Variants in EXPH5 observed in about 807,000 individuals in gnomAD.
EXPH5 encodes the protein exophilin 5.
Under a neutral mutation model 41.1 loss-of-function variants are expected in EXPH5, and 42 were observed. The observed-to-expected ratio is 1.02, with a 90% CI of 0.80 to 1.32. The LOEUF is 1.32. EXPH5 is among the 40% of genes most tolerant of loss of function. The probability of loss-of-function intolerance (pLI) is 0.00; values close to 1 mark genes in which losing one functional copy is unlikely to be tolerated. For synonymous variants in EXPH5, 798 were observed against 833.5 expected (o/e 0.96, Z 0.73); for missense variants, 2,298 against 2,314.5 (o/e 0.99, Z 0.15).
At position 108,514,024 on chromosome 11, in the gene EXPH5, G is replaced by T. The variant is rs1398334265; in HGVS notation, c.1483C>A (p.Arg495=). 6.2e-7 allele frequency: 1 copy of T among 1,613,854 alleles called. No individual in the cohort carries two copies. The highest frequency in any genetic ancestry group is 2.2e-5 in the East Asian group (1 of 44,900). ...GAAGAACTGAATGATTTCCTGCTTC[G>T]ATGAAAGTCAGACCAGAAAGAATGT... ...KGHSFWSDFH[R]SRKSFSSSDR... is the part of the protein sequence containing the mutation. Residue 495 remains arginine (R), a synonymous_variant, in exon 6 of 6, where the codon CGA becomes AGA. Transcript: ENST00000265843.
chr11:108,585,068 A>G (rs1314923913), intron 1 of EXPH5, among the ~76,000 whole-genome samples: 2 of 152,132 alleles, frequency 1.3e-5, no homozygotes, highest in African/African-American at 4.8e-5. Context: ...AAAACAAATA[A>G]CCCAACTAAA....
intron 3 of EXPH5, among the ~76,000 whole-genome samples, chr11:108,530,968 A>G (rs2093833810): frequency 6.6e-6 from 1 of 152,192 alleles, no homozygotes; most frequent in South Asian, 2.1e-4. Flanking sequence ...TCTCATGTGA[A>G]GAGTTTCCAC....
rs2640790 is a variant in EXPH5, at chr11:108,541,446, A to T, written c.280+206T>A. On this transcript the variant is annotated intron_variant, in intron 2 of 5. Coordinates refer to ENST00000265843, the MANE Select transcript of EXPH5 (RefSeq NM_015065.3). Reference sequence around the variant, plus strand: ...CCTGATTCAAAAAAACCCAAAAAACAAAAAAAAATCCAAGACATTATTACA... The same window carrying T: ...CCTGATTCAAAAAAACCCAAAAAACTAAAAAAAATCCAAGACATTATTACA... Among the ~76,000 whole-genome samples, 4 of 151,722 alleles carry T rather than the reference A, an allele frequency of 2.6e-5. No homozygotes were observed. In the South Asian group the frequency reaches 8.4e-4, roughly 32 times the overall value.
rs2093688928 is a variant in EXPH5, at chr11:108,512,375, T to C, written c.3132A>G (p.Ser1044=). 6.2e-7 allele frequency: 1 copy of C among 1,609,896 alleles called. No individual in the cohort carries two copies. The highest frequency in any genetic ancestry group is 8.5e-7 in the Non-Finnish European group (1 of 1,178,500). ...GGAAGGGAGGTGGCCCATTCCTCAA[T>C]GAAGCAGCCATTATTTTACTTCCTG... is the stretch of plus-strand genomic sequence containing the variant. ...RQSGSKIMAA[S]LRNGPPPFQI... is the part of the protein sequence containing the mutation. Residue 1044 remains serine, a synonymous_variant, in exon 6 of 6, where the codon TCA becomes TCG. Transcript: ENST00000265843.
At chr11:108,542,334 CTT>C (rs11336102) in intron 1 of EXPH5, among the ~76,000 whole-genome samples, 3,949 of 147,556 alleles carry the variant, frequency 0.027, 162 homozygotes, top group African/African-American at 0.09. Flanking sequence ...TAGGTGTATT[CTT>C]TTTTTTTTTT....
At chr11:108,570,294 T>C (rs1447065123) in intron 1 of EXPH5, among the ~76,000 whole-genome samples, 1 of 152,088 alleles carries the variant, frequency 6.6e-6, no homozygotes, top group Non-Finnish European at 1.5e-5. Flanking sequence ...TCATTCTGTC[T>C]CCCAGGCTGG....
At chr11:108,600,187 C>G in the EXPH5 span, among the ~76,000 whole-genome samples, 1 of 152,158 alleles carries the variant, frequency 6.6e-6, no homozygotes, top group Non-Finnish European at 1.5e-5. Flanking sequence ...AATGTCCACT[C>G]AGAATGAAAG....
At chr11:108,548,905 C>G (rs1431559289) in intron 1 of EXPH5, among the ~76,000 whole-genome samples, 3 of 152,176 alleles carry the variant, frequency 2.0e-5, no homozygotes, top group Non-Finnish European at 4.4e-5. Flanking sequence ...AGTGTGGTGA[C>G]AAAACTTGAG....
At chr11:108,589,085 C>T (rs1241525363) in intron 1 of EXPH5, among the ~76,000 whole-genome samples, 2 of 152,160 alleles carry the variant, frequency 1.3e-5, no homozygotes, top group Non-Finnish European at 2.9e-5. Context: ...TTTTCCAGGC[C>T]ACACAGGACT....
chr11:108,508,419 A>C lies in EXPH5; in HGVS notation c.*1118T>G, dbSNP rs1289066410. 1 of 152,898 alleles carries C rather than the reference A, an allele frequency of 6.5e-6. No individual in the cohort carries two copies. Among genetic ancestry groups the C allele is most frequent in the Non-Finnish European group, 1.5e-5 (1 of 68,560 alleles). The allele number at this position is 152,898 out of a possible 1,614,324, so 9.5% of individuals were successfully genotyped here. A position where few individuals can be genotyped will look rare whatever the true frequency, so the allele number is the denominator to read the frequency against. On this transcript the variant is annotated 3_prime_UTR_variant, in exon 6 of 6. Transcript: ENST00000265843. ...CTACTCTGGAGGCTGAGGCAGGAGAATCGCTTGAACCCGGGAGGCGGAGGT... is the reference window on the plus strand; with the variant it reads ...CTACTCTGGAGGCTGAGGCAGGAGACTCGCTTGAACCCGGGAGGCGGAGGT...
At chr11:108,522,785 A>T in intron 4 of EXPH5, among the ~76,000 whole-genome samples, 1 of 152,142 alleles carries the variant, frequency 6.6e-6, no homozygotes, top group Non-Finnish European at 1.5e-5. Context: ...CGTGCTTTGG[A>T]GTTGCCATAA....
upstream of EXPH5, among the ~76,000 whole-genome samples, chr11:108,597,192 T>C (rs1352348201): frequency 2.0e-5 from 3 of 151,894 alleles, 1 homozygote; most frequent in East Asian, 5.8e-4. Context: ...GTCTGATTTT[T>C]TTATTTTTAT....
Position 108,582,374 on chromosome 11 carries a change from G to C in EXPH5, c.119+11044C>G, listed in dbSNP as rs1260209653. 3.9e-5 allele frequency among the ~76,000 whole-genome samples: 6 copies of C among 152,216 alleles called. No individual in the cohort carries two copies. The East Asian group carries it at 1.2e-3, about 29-fold the overall frequency. ...CAGCTACTTAGGGAGGCTGGGGTGG[G>C]AGGATTACTCAGGCCTGGAAGGCAG... is the stretch of plus-strand genomic sequence containing the variant. On this transcript the variant is annotated intron_variant, in intron 1 of 5. Coordinates refer to ENST00000265843, the MANE Select transcript of EXPH5 (RefSeq NM_015065.3).
chr11:108,551,439 TC>T (rs1272323306), intron 1 of EXPH5, among the ~76,000 whole-genome samples: 1 of 152,212 alleles, frequency 6.6e-6, no homozygotes, highest in African/African-American at 2.4e-5. Context: ...TCAGAATAGT[TC>T]CCTTTATCAG....
chr11:108,514,257 G>C lies in EXPH5; in HGVS notation c.1250C>G (p.Ser417Trp). 1 of 1,614,126 alleles carries C rather than the reference G, an allele frequency of 6.2e-7. No homozygotes were observed. The highest frequency in any genetic ancestry group is 8.5e-7 in the Non-Finnish European group (1 of 1,180,014). Residue 417 changes from serine to tryptophan, a missense_variant, in exon 6 of 6, where the codon TCG (serine) becomes TGG (tryptophan). By Grantham distance (177) the Ser-to-Trp change is radical. Transcript: ENST00000265843. ...TTGGTAAACATTCTGTGAATGGTACGATTCATATCTCTTATTCTCCTGAAA... is the reference window on the plus strand; with the variant it reads ...TTGGTAAACATTCTGTGAATGGTACCATTCATATCTCTTATTCTCCTGAAA... Reference protein sequence around the residue: ...RGFQENKRYESYHSQNVYQRV... With the variant: ...RGFQENKRYEWYHSQNVYQRV...
At chr11:108,534,879 G>A (rs773968501) in intron 3 of EXPH5, among the ~76,000 whole-genome samples, 1 of 152,174 alleles carries the variant, frequency 6.6e-6, no homozygotes, top group East Asian at 1.9e-4. Flanking sequence ...TCATGATGCA[G>A]GTGGCACATC....
At chr11:108,544,826 GCA>G (rs1469983732) in intron 1 of EXPH5, among the ~76,000 whole-genome samples, 1 of 152,022 alleles carries the variant, frequency 6.6e-6, no homozygotes, top group East Asian at 1.9e-4. Flanking sequence ...CCCCTTTTGG[GCA>G]CACACACACA....
At chr11:108,584,842 G>A (rs1362146892) in intron 1 of EXPH5, among the ~76,000 whole-genome samples, 2 of 152,104 alleles carry the variant, frequency 1.3e-5, no homozygotes, top group African/African-American at 2.4e-5. Context: ...TCTGGGCTGA[G>A]GCAGAGTATT....
At chr11:108,554,879 G>A (rs1243607281) in intron 1 of EXPH5, among the ~76,000 whole-genome samples, 2 of 152,150 alleles carry the variant, frequency 1.3e-5, no homozygotes, top group Admixed American at 6.5e-5. Context: ...AGCCAAGATC[G>A]TGCCACTGCA....
Sources: gnomAD v4.1 joint callset for allele counts (sites outside exome capture counted in the v4.1 genomes callset) on GRCh38, gnomAD v4.1.1 for gene constraint, MANE v1.5 for transcripts, NCBI Gene and HGNC (gene_info 2026-07-23, HGNC 2026-07-21) for gene names.